The following CALN1 variants were observed in gnomAD, a reference collection of about 807,000 sequenced individuals.
CALN1 encodes calcium-binding protein 8.
CALN1 carries 17 observed loss-of-function variants against 30.6 expected under a neutral mutation model. The ratio of observed to expected loss-of-function variants is 0.56; its 90% CI spans 0.38 to 0.83. CALN1 has a LOEUF of 0.83. Among genes scored for constraint, CALN1 ranks in the 40% least tolerant of loss-of-function variants. The pLI is 0.00. For synonymous variants in CALN1, 156 were observed against 131.4 expected (o/e 1.19, Z -1.28); for missense variants, 291 against 354.9 (o/e 0.82, Z 1.45).
intron 4 of CALN1, among the ~76,000 whole-genome samples, chr7:72,076,285 C>T (rs566467809): frequency 2.1e-4 from 32 of 151,346 alleles, no homozygotes; most frequent in South Asian, 6.3e-4. Flanking sequence ...TACCCCGGAA[C>T]TTAAAAAATT....
Position 72,100,122 on chromosome 7 carries a change from G to A in CALN1, c.388+6029C>T, listed in dbSNP as rs73371716. 9.2e-3 allele frequency among the ~76,000 whole-genome samples: 1,387 copies of A among 151,458 alleles called. 15 individuals carry two copies. The highest frequency in any genetic ancestry group is 0.029 in the African/African-American group (1,199 of 41,266). On this transcript the variant is annotated intron_variant, in intron 4 of 6. Coordinates refer to ENST00000395275, the MANE Select transcript of CALN1 (RefSeq NM_031468.4). ...TACAAACAAGCATGAACTTGGGGCC[G>A]AAGACGCTTAAATCTTTTTTTTAAT...
chr7:72,449,479 A>C (rs1486579652), upstream of CALN1, among the ~76,000 whole-genome samples: 3 of 152,168 alleles, frequency 2.0e-5, no homozygotes, highest in Non-Finnish European at 2.9e-5. Flanking sequence ...GAGCTTTCCC[A>C]GCAAACCTCC....
chr7:72,195,743 C>T (rs897111462), intron 3 of CALN1, among the ~76,000 whole-genome samples: 4 of 150,714 alleles, frequency 2.7e-5, no homozygotes, highest in African/African-American at 1.0e-4. Context: ...CATTTTCTAG[C>T]TTCTAAATAA....
chr7:72,307,950 A>C (rs941497893), intron 2 of CALN1, among the ~76,000 whole-genome samples: 3 of 152,118 alleles, frequency 2.0e-5, no homozygotes, highest in African/African-American at 7.2e-5. Flanking sequence ...CACCAGAAGG[A>C]CATTTCGTGA....
intron 5 of CALN1, among the ~76,000 whole-genome samples, chr7:71,814,301 C>T (rs954480893): frequency 4.6e-5 from 7 of 152,030 alleles, no homozygotes; most frequent in South Asian, 2.1e-4. Context: ...GTGTTTGTGT[C>T]GGGCAAGGGT....
intron 4 of CALN1, among the ~76,000 whole-genome samples, chr7:72,043,773 G>A (rs1272863387): frequency 6.6e-6 from 1 of 152,104 alleles, no homozygotes; most frequent in Admixed American, 6.6e-5. Flanking sequence ...AGGTAAAGGG[G>A]TTGTATTAGT....
At chr7:72,360,773 G>A (rs1247177688) in intron 2 of CALN1, among the ~76,000 whole-genome samples, 2 of 151,406 alleles carry the variant, frequency 1.3e-5, no homozygotes. Context: ...CTGTCACCCA[G>A]GCTGAAGTGC....
intron 5 of CALN1, among the ~76,000 whole-genome samples, chr7:71,928,562 C>A (rs1385914410): frequency 1.3e-5 from 2 of 151,976 alleles, no homozygotes; most frequent in Admixed American, 6.6e-5. Context: ...ATACAGAATG[C>A]CATTACTTTT....
At chr7:72,162,568 TACTAAA>T (rs2129544916) in intron 3 of CALN1, among the ~76,000 whole-genome samples, 1 of 151,718 alleles carries the variant, frequency 6.6e-6, no homozygotes, top group Admixed American at 6.6e-5. Context: ...ACCCAGTTTC[TACTAAA>T]AATACAAAAA....
intron 2 of CALN1, among the ~76,000 whole-genome samples, chr7:72,298,040 A>G (rs774849194): frequency 3.3e-5 from 5 of 152,190 alleles, no homozygotes; most frequent in African/African-American, 4.8e-5. Context: ...ACAAAATCAC[A>G]TAATAGTTGA....
intron 5 of CALN1, among the ~76,000 whole-genome samples, chr7:71,821,173 G>T (rs1788564617): frequency 6.6e-6 from 1 of 152,126 alleles, no homozygotes; most frequent in Non-Finnish European, 1.5e-5. Flanking sequence ...TCATCAGAAA[G>T]GATGACACCA....
At chr7:72,206,676 GTTT>G (rs1278146080) in intron 3 of CALN1, among the ~76,000 whole-genome samples, 1 of 86,288 alleles carries the variant, frequency 1.2e-5, no homozygotes, top group African/African-American at 6.6e-5. Context: ...GCTAAAATTT[GTTT>G]TTGTTTTCAA....
At chr7:72,321,377 T>G (rs1266283012) in intron 2 of CALN1, among the ~76,000 whole-genome samples, 4 of 152,196 alleles carry the variant, frequency 2.6e-5, no homozygotes, top group Admixed American at 1.3e-4. Flanking sequence ...GGCTGGGTGA[T>G]AAATGCCAAG....
At chr7:71,980,738 A>G (rs1167774317) in intron 5 of CALN1, among the ~76,000 whole-genome samples, 1 of 152,130 alleles carries the variant, frequency 6.6e-6, no homozygotes. Flanking sequence ...AACGGAACCC[A>G]AATGTAATGC....
chr7:72,238,133 G>A (rs1794597752), intron 3 of CALN1, among the ~76,000 whole-genome samples: 1 of 152,128 alleles, frequency 6.6e-6, no homozygotes, highest in African/African-American at 2.4e-5. Context: ...TTCACCTTGG[G>A]AAACATTGCA....
chr7:72,313,032 A>G (rs916227497), intron 2 of CALN1, among the ~76,000 whole-genome samples: 1 of 152,058 alleles, frequency 6.6e-6, no homozygotes, highest in Non-Finnish European at 1.5e-5. Flanking sequence ...ACAGGGTTTC[A>G]CCATGTTGGC....
chr7:72,323,995 T>A (rs1801086125), intron 2 of CALN1, among the ~76,000 whole-genome samples: 1 of 152,086 alleles, frequency 6.6e-6, no homozygotes. Flanking sequence ...GCCACTGCAC[T>A]CCAGCCTGGG....
intron 2 of CALN1, among the ~76,000 whole-genome samples, 167 bp downstream of exon 2, chr7:72,403,084 A>G (rs1243214883): frequency 1.3e-5 from 2 of 152,170 alleles, no homozygotes; most frequent in African/African-American, 4.8e-5. Context: ...GAAAGGGGAT[A>G]GAATCTCTGT....
chr7:71,812,748 G>C lies in CALN1; in HGVS notation c.502-2256C>G, dbSNP rs140018416. Among the ~76,000 whole-genome samples the C allele has an allele frequency of 8.2e-3, 1,238 of 151,666 alleles. 12 individuals carry two copies. Among genetic ancestry groups the C allele is most frequent in the Non-Finnish European group, 0.014 (955 of 67,916 alleles). ...CTCAAAGCCCCCATTTCTATTTCTA[G>C]TTCTATTTTTTTAGAGACAAGGTCT... On this transcript the variant is annotated intron_variant, in intron 5 of 6. Coordinates refer to ENST00000395275, the MANE Select transcript of CALN1 (RefSeq NM_031468.4).
Sources: allele counts gnomAD v4.1 joint callset (sites outside exome capture counted in the v4.1 genomes callset), GRCh38; gene constraint gnomAD v4.1.1; transcripts MANE v1.5; gene names NCBI Gene and HGNC (gene_info 2026-07-23, HGNC 2026-07-21).